The following GNAL variants were observed in gnomAD, a reference collection of about 807,000 sequenced individuals.
The protein encoded by GNAL is G protein subunit alpha L, also known as guanine nucleotide-binding protein G(olf) subunit alpha.
A neutral mutation model predicts 55.1 loss-of-function variants in GNAL; 18 were observed. The ratio of observed to expected loss-of-function variants is 0.33; its 90% CI spans 0.23 to 0.48. GNAL has a LOEUF of 0.48. GNAL is among the 20% of genes least tolerant of loss of function. The pLI is 0.99. For missense variants in GNAL, 412 were observed against 614.1 expected, an observed-to-expected ratio of 0.67 and a Z score of 3.48; for synonymous variants, 253 against 237.0, an observed-to-expected ratio of 1.07 and a Z score of -0.62.
chr18:11,856,931 AAAAAAT>A lies in GNAL; in HGVS notation c.723-5454_723-5449del, dbSNP rs1308121354. 4.6e-5 allele frequency among the ~76,000 whole-genome samples: 7 copies of A among 151,166 alleles called. No homozygotes were observed. In the East Asian group the frequency reaches 1.2e-3, roughly 25 times the overall value. On this transcript the variant is annotated intron_variant, in intron 5 of 11. Transcript: ENST00000334049. Reference sequence around the variant, plus strand: ...TGGGTGACAGAGTGAGACTGTCTCAAAAAAATAAAAATAAATAGTTTTTTAAATTTA... The same window carrying A: ...TGGGTGACAGAGTGAGACTGTCTCAAAAAAATAAATAGTTTTTTAAATTTA...
intron 1 of GNAL, chr18:11,747,126 C>A: frequency 2.5e-6 from 1 of 406,470 alleles, no homozygotes; most frequent in African/African-American, 2.1e-5. Flanking sequence ...TCGAACTGCC[C>A]ACGCTGCCCA....
At chr18:11,764,967 C>T (rs541780667) in intron 4 of GNAL, among the ~76,000 whole-genome samples, 1 of 152,222 alleles carries the variant, frequency 6.6e-6, no homozygotes, top group African/African-American at 2.4e-5. Context: ...CTTCAAATAT[C>T]TATAAAATCA....
intron 7 of GNAL, among the ~76,000 whole-genome samples, chr18:11,864,955 T>C (rs1299959009): frequency 6.6e-6 from 1 of 152,214 alleles, no homozygotes; most frequent in Non-Finnish European, 1.5e-5. Context: ...AGCCCATCTC[T>C]TGGGTTGCCC....
chr18:11,853,695 G>A (rs1287070590), intron 5 of GNAL: 2 of 167,046 alleles, frequency 1.2e-5, no homozygotes, highest in Non-Finnish European at 2.9e-5. Flanking sequence ...TATTTGACTG[G>A]ACATTGTTCA....
At chr18:11,749,471 T>C (rs2032765177) in intron 1 of GNAL, among the ~76,000 whole-genome samples, 1 of 152,260 alleles carries the variant, frequency 6.6e-6, no homozygotes, top group Non-Finnish European at 1.5e-5. Flanking sequence ...AATTCACACT[T>C]TGAGCTGGAG....
chr18:11,792,810 A>ACTAC (rs1598463276), intron 4 of GNAL, among the ~76,000 whole-genome samples: 1 of 152,340 alleles, frequency 6.6e-6, no homozygotes, highest in East Asian at 1.9e-4. Flanking sequence ...TCTTTGGCAA[A>ACTAC]CTACCAACCT....
intron 5 of GNAL, among the ~76,000 whole-genome samples, chr18:11,842,174 T>C (rs1204518395): frequency 2.6e-5 from 4 of 151,678 alleles, no homozygotes; most frequent in Non-Finnish European, 5.9e-5. Context: ...AGAGACAGGG[T>C]TTCTCCATGT....
intron 4 of GNAL, among the ~76,000 whole-genome samples, chr18:11,792,678 C>T (rs1318298563): frequency 6.6e-6 from 1 of 152,230 alleles, no homozygotes; most frequent in Non-Finnish European, 1.5e-5. Context: ...TAGCATGGTG[C>T]CTAGCACAGA....
At chr18:11,843,380 C>T (rs947414623) in intron 5 of GNAL, among the ~76,000 whole-genome samples, 18 of 151,988 alleles carry the variant, frequency 1.2e-4, no homozygotes, top group African/African-American at 3.9e-4. Flanking sequence ...CAAAAATTAG[C>T]GGAGAGTGGT....
At chr18:11,841,699 T>G (rs1275921432) in intron 5 of GNAL, among the ~76,000 whole-genome samples, 1 of 151,744 alleles carries the variant, frequency 6.6e-6, no homozygotes, top group African/African-American at 2.4e-5. Context: ...AATTCCTCAT[T>G]CATCAGATTT....
intron 11 of GNAL, among the ~76,000 whole-genome samples, chr18:11,879,494 C>T (rs369007425): frequency 2.0e-5 from 3 of 152,140 alleles, no homozygotes; most frequent in African/African-American, 7.2e-5. Context: ...AATCAAGGTG[C>T]GGGGTCTTCC....
intron 4 of GNAL, among the ~76,000 whole-genome samples, chr18:11,794,109 G>A (rs544908704): frequency 1.3e-4 from 20 of 152,286 alleles, no homozygotes; most frequent in African/African-American, 4.8e-4. Context: ...ACAAGTGTTG[G>A]AAAGGATGTC....
chr18:11,802,134 A>G (rs888722483), intron 4 of GNAL, among the ~76,000 whole-genome samples: 54 of 152,136 alleles, frequency 3.5e-4, no homozygotes, highest in African/African-American at 1.3e-3. Flanking sequence ...CTTTATATTT[A>G]GAGTCAAGTT....
chr18:11,879,607 T>G (rs1206856355), intron 11 of GNAL, among the ~76,000 whole-genome samples: 2 of 152,164 alleles, frequency 1.3e-5, no homozygotes, highest in African/African-American at 4.8e-5. Flanking sequence ...TAATTGCCTC[T>G]GTAAAGGCCT....
chr18:11,723,420 C>G (rs2032143440), intron 1 of GNAL, among the ~76,000 whole-genome samples: 1 of 152,228 alleles, frequency 6.6e-6, no homozygotes, highest in African/African-American at 2.4e-5. Context: ...AGATTTAGCC[C>G]ACAGGCCTTG....
chr18:11,705,415 G>GT (rs2031684866), intron 1 of GNAL, among the ~76,000 whole-genome samples: 1 of 152,180 alleles, frequency 6.6e-6, no homozygotes, highest in Non-Finnish European at 1.5e-5. Context: ...TGCAGCAAAC[G>GT]TAAGAGTGCA....
At chr18:11,813,803 A>G (rs1287628796) in intron 4 of GNAL, among the ~76,000 whole-genome samples, 3 of 152,092 alleles carry the variant, frequency 2.0e-5, no homozygotes, top group Non-Finnish European at 4.4e-5. Flanking sequence ...GCTTGAGCCC[A>G]GGAGGTCGAG....
chr18:11,752,381 AT>A lies in GNAL; in HGVS notation c.377-470del. The A allele has an allele frequency of 6.4e-7, 1 of 1,569,340 alleles. No homozygotes were observed. Among genetic ancestry groups the A allele is most frequent in the Non-Finnish European group, 8.6e-7 (1 of 1,161,902 alleles). ...GAGCCGCACACGTCTCCAACTCTCT[AT>A]TGCTTTTTGCGCACATTCCTAACTT... On this transcript the variant is annotated intron_variant, in intron 1 of 11. Coordinates refer to ENST00000334049, the MANE Select transcript of GNAL (RefSeq NM_182978.4). The surrounding 1 kb of genome is among the most constrained non-coding windows in gnomAD (Gnocchi z 4.5).
chr18:11,730,687 A>G (rs2083374886), intron 1 of GNAL, among the ~76,000 whole-genome samples: 3 of 152,006 alleles, frequency 2.0e-5, no homozygotes, highest in African/African-American at 7.2e-5. Flanking sequence ...TCTCTCAAAC[A>G]CAGGAGGTGG....
Sources: allele counts gnomAD v4.1 joint callset (sites outside exome capture counted in the v4.1 genomes callset), GRCh38; gene constraint gnomAD v4.1.1; non-coding constraint Gnocchi (gnomAD v3.1); transcripts MANE v1.5; gene names NCBI Gene and HGNC (gene_info 2026-07-23, HGNC 2026-07-21).